The following DGKI variants were observed in gnomAD, a reference collection of about 807,000 sequenced individuals.
DGKI encodes the protein DAG kinase iota.
Under a neutral mutation model 147.5 loss-of-function variants are expected in DGKI, and 55 were observed. That is an observed-to-expected ratio of 0.37 (90% CI 0.30 to 0.47). The LOEUF (loss-of-function observed/expected upper bound fraction) is 0.47. DGKI is among the 20% of genes least tolerant of loss of function. The probability of loss-of-function intolerance (pLI) is 1.00; values close to 1 mark genes in which losing one functional copy is unlikely to be tolerated. For synonymous variants in DGKI, 469 were observed against 477.1 expected, an observed-to-expected ratio of 0.98 and a Z score of 0.22; for missense variants, 1,007 against 1,323.8, an observed-to-expected ratio of 0.76 and a Z score of 3.71.
At chr7:137,621,915 T>C (rs1259916774) in intron 7 of DGKI, among the ~76,000 whole-genome samples, 3 of 152,184 alleles carry the variant, frequency 2.0e-5, no homozygotes, top group Non-Finnish European at 4.4e-5. Flanking sequence ...CTCACCAGAT[T>C]AGAAGAACCA....
intron 1 of DGKI, among the ~76,000 whole-genome samples, chr7:137,750,426 G>C (rs1795461929): frequency 9.7e-6 from 1 of 103,320 alleles, no homozygotes; most frequent in Admixed American, 1.0e-4. Context: ...TGTATCACAA[G>C]TGCCTAGAAC....
chr7:137,413,265 C>CA lies in DGKI; in HGVS notation c.2762-1059dup, dbSNP rs35856159. Among the ~76,000 whole-genome samples, 771 of 92,492 alleles carry CA rather than the reference C, an allele frequency of 8.3e-3. 8 individuals are homozygous for CA. The highest frequency in any genetic ancestry group is 0.049 in the East Asian group (138 of 2,810). The allele number at this position is 92,492 out of a possible 152,430, so 60.7% of individuals were successfully genotyped here. On this transcript the variant is annotated intron_variant, in intron 28 of 32. Transcript: ENST00000614521. Reference sequence around the variant, plus strand: ...CAGGCGACAGAGTGAGACTCCATCTCAAAAAAAAAAAAAAAAAAAAAATTC... The same window carrying CA: ...CAGGCGACAGAGTGAGACTCCATCTCAAAAAAAAAAAAAAAAAAAAAAATTC...
intron 1 of DGKI, among the ~76,000 whole-genome samples, chr7:137,779,685 T>C (rs892728061): frequency 2.0e-5 from 3 of 152,176 alleles, no homozygotes; most frequent in African/African-American, 7.2e-5. Context: ...TTACCCAGTC[T>C]GTGGTATTCT....
At chr7:137,463,118 C>T (rs1395260610) in intron 27 of DGKI, among the ~76,000 whole-genome samples, 2 of 152,140 alleles carry the variant, frequency 1.3e-5, no homozygotes, top group Non-Finnish European at 2.9e-5. Flanking sequence ...AAATGAAAAA[C>T]CACGTGTCAC....
Position 137,560,550 on chromosome 7 carries a change from TC to T in DGKI, c.1948-7983del, listed in dbSNP as rs200114271. 9.8e-3 allele frequency among the ~76,000 whole-genome samples: 1,490 copies of T among 151,876 alleles called. 18 individuals are homozygous for T. Among genetic ancestry groups the T allele is most frequent in the African/African-American group, 0.023 (969 of 41,250 alleles). ...CCAAAAATGATGCCCATGTTCTAAC[TC>T]CCAGGAACCACACAAACCTCATGGA... is the stretch of plus-strand genomic sequence containing the variant. On this transcript the variant is annotated intron_variant, in intron 19 of 32. Transcript: ENST00000614521.
chr7:137,837,899 A>T (rs1211962872), intron 1 of DGKI, among the ~76,000 whole-genome samples: 1 of 152,062 alleles, frequency 6.6e-6, no homozygotes, highest in Admixed American at 6.5e-5. Flanking sequence ...TTCCTGTGTA[A>T]CTTCAGACAC....
chr7:137,618,151 A>ATATATATATATATATTTT lies in DGKI; in HGVS notation c.993+1672_993+1673insAAAATATATATATATATA. ...ACTATATATATATATATATATATAT[A>ATATATATATATATATTTT]TTTTTTTTTTTTTACTCTATCATTC... On this transcript the variant is annotated intron_variant, in intron 8 of 32. Transcript: ENST00000614521. 3.0e-3 allele frequency among the ~76,000 whole-genome samples: 31 copies of ATATATATATATATATTTT among 10,450 alleles called. 2 individuals are homozygous for ATATATATATATATATTTT. Among genetic ancestry groups the ATATATATATATATATTTT allele is most frequent in the South Asian group, 0.022 (1 of 46 alleles). The allele number at this position is 10,450 out of a possible 152,430, so 6.9% of individuals were successfully genotyped here.
At chr7:137,791,898 C>A (rs547757559) in intron 1 of DGKI, among the ~76,000 whole-genome samples, 9 of 152,170 alleles carry the variant, frequency 5.9e-5, no homozygotes, top group African/African-American at 1.9e-4. Flanking sequence ...TGTACACATG[C>A]GCAGTTGAAT....
intron 1 of DGKI, among the ~76,000 whole-genome samples, chr7:137,694,466 A>G (rs566079767): frequency 2.0e-5 from 3 of 152,186 alleles, no homozygotes; most frequent in South Asian, 4.1e-4. Context: ...TTTTCTATCT[A>G]TCCTCATCTT....
intron 12 of DGKI, among the ~76,000 whole-genome samples, chr7:137,593,346 G>A (rs1323082778): frequency 2.0e-5 from 3 of 152,210 alleles, no homozygotes; most frequent in Non-Finnish European, 4.4e-5. Flanking sequence ...ATTAGGAGTT[G>A]AATAGGTGTC....
chr7:137,637,953 C>T (rs1821371589), intron 6 of DGKI, among the ~76,000 whole-genome samples: 1 of 152,004 alleles, frequency 6.6e-6, no homozygotes, highest in Non-Finnish European at 1.5e-5. Context: ...AGAATGATTT[C>T]CGTCATAAGC....
At chr7:137,551,373 T>C (rs1053816201) in intron 20 of DGKI, among the ~76,000 whole-genome samples, 1 of 152,114 alleles carries the variant, frequency 6.6e-6, no homozygotes, top group Non-Finnish European at 1.5e-5. Flanking sequence ...TACCGTTATA[T>C]TGACTCAATA....
At position 137,608,760 on chromosome 7, in the gene DGKI, A is replaced by G. The variant is rs149887142; in HGVS notation, c.1167+206T>C. Among the ~76,000 whole-genome samples, 4 of 152,274 alleles carry G rather than the reference A, an allele frequency of 2.6e-5. No individual in the cohort carries two copies. In the East Asian group the frequency reaches 7.7e-4, roughly 29 times the overall value. On this transcript the variant is annotated intron_variant, in intron 10 of 32. Transcript: ENST00000614521. ...GTGCCTTTGTTATAGTCTTATATGG[A>G]AGCAGACAGATAAATTATAGAACAT...
chr7:137,808,375 C>G (rs1371716249), intron 1 of DGKI, among the ~76,000 whole-genome samples: 1 of 152,182 alleles, frequency 6.6e-6, no homozygotes, highest in East Asian at 1.9e-4. Context: ...GAGCCAGACA[C>G]TAGGCTAAGT....
intron 20 of DGKI, among the ~76,000 whole-genome samples, chr7:137,534,291 T>C (rs1817443992): frequency 6.6e-6 from 1 of 152,088 alleles, no homozygotes; most frequent in African/African-American, 2.4e-5. Context: ...AGTAAATCCA[T>C]TAATAACATT....
At chr7:137,689,371 T>G (rs1238517648) in intron 2 of DGKI, among the ~76,000 whole-genome samples, 1 of 152,226 alleles carries the variant, frequency 6.6e-6, no homozygotes, top group East Asian at 1.9e-4. Context: ...TTAATAGTTT[T>G]TGTGAGTGTG....
At chr7:137,599,286 A>G (rs1246655979) in intron 11 of DGKI, among the ~76,000 whole-genome samples, 1 of 152,194 alleles carries the variant, frequency 6.6e-6, no homozygotes, top group Non-Finnish European at 1.5e-5. Flanking sequence ...GAGATTTCTG[A>G]GAAGCTCAGA....
At chr7:137,711,354 T>G (rs1326964555) in intron 1 of DGKI, among the ~76,000 whole-genome samples, 1 of 152,140 alleles carries the variant, frequency 6.6e-6, no homozygotes, top group Non-Finnish European at 1.5e-5. Context: ...AAATGTCAGA[T>G]GAAAGCAGAA....
chr7:137,711,693 T>TTTG (rs1220237383), intron 1 of DGKI, among the ~76,000 whole-genome samples: 2 of 143,574 alleles, frequency 1.4e-5, no homozygotes, highest in African/African-American at 5.2e-5. Flanking sequence ...ACTTTTTTTT[T>TTTG]TTTTTTTTTT....
Sources: gnomAD v4.1 joint callset for allele counts (sites outside exome capture counted in the v4.1 genomes callset) on GRCh38, gnomAD v4.1.1 for gene constraint, MANE v1.5 for transcripts, NCBI Gene and HGNC (gene_info 2026-07-23, HGNC 2026-07-21) for gene names.